The following SHROOM4 variants were observed in gnomAD, a reference collection of about 807,000 sequenced individuals.
The protein encoded by SHROOM4 is shroom family member 4.
A neutral mutation model predicts 80.3 loss-of-function variants in SHROOM4; 17 were observed. The observed-to-expected ratio is 0.21, with a 90% confidence interval of 0.14 to 0.32. SHROOM4 has a LOEUF of 0.32. SHROOM4 is among the 10% of genes least tolerant of loss of function. SHROOM4 has a pLI of 1.00. For synonymous variants in SHROOM4, 400 were observed against 437.5 expected (o/e 0.91, Z 1.07); for missense variants, 993 against 1,140.3 (o/e 0.87, Z 1.86).
At chrX:50,642,109 A>G (rs1045645564) in intron 2 of SHROOM4, among the ~76,000 whole-genome samples, 1 of 112,532 alleles carries the variant, frequency 8.9e-6, no homozygotes, top group African/African-American at 3.2e-5. Context: ...TATATGGTCT[A>G]CTATTTGGCC....
chrX:50,700,023 CAT>C (rs1933474697), intron 1 of SHROOM4, among the ~76,000 whole-genome samples: 1 of 111,854 alleles, frequency 8.9e-6, no homozygotes, highest in Non-Finnish European at 1.9e-5. Context: ...AAATCAGTGA[CAT>C]GATTGTGAAT....
At chrX:50,620,882 T>TTA (rs1930544174) in intron 5 of SHROOM4, among the ~76,000 whole-genome samples, 1 of 111,485 alleles carries the variant, frequency 9.0e-6, no homozygotes. Context: ...CTACCCATTT[T>TTA]TATATATATA....
Position 50,717,196 on chromosome X carries a change from A to T in SHROOM4, c.118-21259T>A, listed in dbSNP as rs1369937993. 3.6e-5 allele frequency among the ~76,000 whole-genome samples: 4 copies of T among 111,520 alleles called. No homozygotes were observed. The Admixed American group carries it at 3.8e-4, about 11-fold the overall frequency. On this transcript the variant is annotated intron_variant, in intron 1 of 8. Coordinates refer to ENST00000376020, the MANE Select transcript of SHROOM4 (RefSeq NM_020717.5). ...TGAAAGTTAACTTGTTGCTGAAGGG[A>T]CCACCAGTTGTAAAGCCATGGTTTT...
chrX:50,698,847 G>A (rs7061260), intron 1 of SHROOM4, among the ~76,000 whole-genome samples: 6,800 of 111,472 alleles, frequency 0.061, 548 homozygotes, highest in African/African-American at 0.21. Flanking sequence ...GGGTGAAGGG[G>A]GATGGAGGGG....
intron 2 of SHROOM4, among the ~76,000 whole-genome samples, chrX:50,671,228 A>G (rs1468161049): frequency 8.9e-6 from 1 of 111,984 alleles, no homozygotes. Context: ...TAGATTTAGT[A>G]TAATTCTTAA....
chrX:50,769,351 A>G (rs782290175), intron 1 of SHROOM4, among the ~76,000 whole-genome samples: 4 of 112,397 alleles, frequency 3.6e-5, no homozygotes, highest in Non-Finnish European at 7.5e-5. Flanking sequence ...ATGAAAATAG[A>G]AAAGGTCAGT....
At chrX:50,613,419 A>G (rs1930085400) in intron 5 of SHROOM4, among the ~76,000 whole-genome samples, 1 of 112,294 alleles carries the variant, frequency 8.9e-6, no homozygotes, top group Non-Finnish European at 1.9e-5. Flanking sequence ...CAGCCTCATC[A>G]TAAACAATTT....
chrX:50,752,216 T>C (rs1415300388), intron 1 of SHROOM4, among the ~76,000 whole-genome samples: 5 of 112,142 alleles, frequency 4.5e-5, no homozygotes, highest in African/African-American at 1.6e-4. Flanking sequence ...GAAGACTAAG[T>C]CCTCTGGCAA....
intron 2 of SHROOM4, among the ~76,000 whole-genome samples, chrX:50,651,724 C>G (rs782512107): frequency 2.7e-5 from 3 of 110,762 alleles, no homozygotes; most frequent in Non-Finnish European, 5.7e-5. Flanking sequence ...TAATGCTATC[C>G]CTCCCCTAGC....
At chrX:50,773,786 T>G (rs1162628990) in intron 1 of SHROOM4, among the ~76,000 whole-genome samples, 1 of 112,643 alleles carries the variant, frequency 8.9e-6, no homozygotes, top group Non-Finnish European at 1.9e-5. Context: ...GTTTAAACTA[T>G]GTCTGACTGA....
At position 50,814,136 on chromosome X, in the gene SHROOM4, C is replaced by A; in HGVS notation, c.-118G>T. 1.9e-6 allele frequency: 1 copy of A among 521,396 alleles called. No individual in the cohort carries two copies. The highest frequency in any genetic ancestry group is 2.7e-5 in the South Asian group (1 of 37,108). 43.0% of individuals were successfully genotyped at this position (521,396 alleles called of 1,213,427 possible). ...CTACGCCACCCCGCACCGCCCTGCT[C>A]CGCCTACTCTCCCGGCTGGAGACGC... On this transcript the variant is annotated 5_prime_UTR_variant, in exon 1 of 9. Transcript: ENST00000376020.
chrX:50,811,577 G>C (rs781820339), intron 1 of SHROOM4, among the ~76,000 whole-genome samples: 3 of 111,405 alleles, frequency 2.7e-5, no homozygotes, highest in South Asian at 3.8e-4. Flanking sequence ...GTATTGTTCT[G>C]AATCATAAAA....
chrX:50,660,508 T>TTCTC (rs782511926), intron 2 of SHROOM4, among the ~76,000 whole-genome samples: 18 of 86,136 alleles, frequency 2.1e-4, no homozygotes, highest in East Asian at 1.7e-3. Context: ...AGTGTTGAGC[T>TTCTC]TCTCTCTCTC....
intron 6 of SHROOM4, among the ~76,000 whole-genome samples, chrX:50,605,961 C>T (rs1929645212): frequency 8.9e-6 from 1 of 111,752 alleles, no homozygotes; most frequent in South Asian, 3.8e-4. Flanking sequence ...CTTTTCCCTG[C>T]TATGATAGAT....
chrX:50,604,189 G>A (rs1184454614), intron 6 of SHROOM4, among the ~76,000 whole-genome samples: 1 of 112,029 alleles, frequency 8.9e-6, no homozygotes, highest in African/African-American at 3.3e-5. Flanking sequence ...TTTCAAGCTT[G>A]TAACACTGAT....
chrX:50,675,338 A>G (rs1932841600), intron 2 of SHROOM4, among the ~76,000 whole-genome samples: 1 of 111,770 alleles, frequency 8.9e-6, no homozygotes, highest in Non-Finnish European at 1.9e-5. Flanking sequence ...TGAACTTACA[A>G]TAAAAGTTTT....
intron 2 of SHROOM4, among the ~76,000 whole-genome samples, chrX:50,693,064 T>A (rs184414620): frequency 1.8e-3 from 202 of 111,198 alleles, no homozygotes; most frequent in Non-Finnish European, 3.0e-3. Flanking sequence ...AAGTTGGTTA[T>A]ATGGTCTGGA....
At chrX:50,611,144 C>CTTTTTTTTTTT (rs782473243) in intron 5 of SHROOM4, among the ~76,000 whole-genome samples, 31 of 68,203 alleles carry the variant, frequency 4.5e-4, no homozygotes, top group South Asian at 9.5e-4. Context: ...TTCTTTTTTT[C>CTTTTTTTTTTT]TTTTTTTTTT....
rs575317030 is a variant in SHROOM4 at position 50,750,562 on chromosome X, C to G, written c.118-54625G>C. Reference sequence around the variant, plus strand: ...CAGGCGTGAGCCACTGTGCCTGGTCCCTTCCTACTATTATGACAGACCCTT... The same window carrying G: ...CAGGCGTGAGCCACTGTGCCTGGTCGCTTCCTACTATTATGACAGACCCTT... On this transcript the variant is annotated intron_variant, in intron 1 of 8. Transcript: ENST00000376020. Among the ~76,000 whole-genome samples, 383 of 111,854 alleles carry G rather than the reference C, an allele frequency of 3.4e-3. 1 individual carries two copies. Among genetic ancestry groups the G allele is most frequent in the South Asian group, 0.018 (47 of 2,650 alleles).
Sources: allele counts gnomAD v4.1 joint callset (sites outside exome capture counted in the v4.1 genomes callset), GRCh38; gene constraint gnomAD v4.1.1; transcripts MANE v1.5; gene names NCBI Gene and HGNC (gene_info 2026-07-23, HGNC 2026-07-21).